Variants in PTK2 observed in about 807,000 individuals in gnomAD.
The protein encoded by PTK2 is protein tyrosine kinase 2, also known as focal adhesion kinase 1.
PTK2 carries 45 observed loss-of-function variants against 150.1 expected under a neutral mutation model. The observed-to-expected ratio is 0.30, with a 90% confidence interval of 0.24 to 0.38. The LOEUF (loss-of-function observed/expected upper bound fraction) is 0.38, where lower values mean the gene tolerates loss of function less well. Ranked by LOEUF, PTK2 falls within the 10% of genes least tolerant of loss-of-function variation. The pLI, the probability that PTK2 is intolerant of heterozygous loss-of-function variation, is 1.00. For synonymous variants in PTK2, 432 were observed against 449.2 expected (o/e 0.96, Z 0.48); for missense variants, 919 against 1,307.3 (o/e 0.70, Z 4.58).
intron 23 of PTK2, among the ~76,000 whole-genome samples, chr8:140,708,153 A>G (rs2100034828): frequency 6.6e-6 from 1 of 152,234 alleles, no homozygotes; most frequent in African/African-American, 2.4e-5. Context: ...TAAGTACAGA[A>G]TAAAAGGAAA....
intron 1 of PTK2, among the ~76,000 whole-genome samples, chr8:140,976,672 C>T (rs1380044877): frequency 2.0e-5 from 3 of 152,208 alleles, no homozygotes; most frequent in African/African-American, 7.2e-5. Flanking sequence ...ACATTAACAC[C>T]TCAACTTCAG....
chr8:140,855,617 C>T (rs1019093020), intron 5 of PTK2, among the ~76,000 whole-genome samples: 3 of 151,732 alleles, frequency 2.0e-5, no homozygotes, highest in Non-Finnish European at 4.4e-5. Flanking sequence ...AAAAGAAAAC[C>T]TAAGATCAGT....
chr8:140,919,572 AGG>A (rs2100166625), intron 2 of PTK2, among the ~76,000 whole-genome samples: 1 of 152,172 alleles, frequency 6.6e-6, no homozygotes, highest in Non-Finnish European at 1.5e-5. Context: ...CATACAATGG[AGG>A]TGGCAATATG....
intron 1 of PTK2, among the ~76,000 whole-genome samples, chr8:140,963,505 T>G (rs998995257): frequency 6.6e-6 from 1 of 152,162 alleles, no homozygotes. Flanking sequence ...ATCCATTTAA[T>G]TCAAGTTACA....
At chr8:140,659,392 TA>T in exon 32 of PTK2, 6 of 1,368,908 alleles carry the variant, frequency 4.4e-6, no homozygotes, top group Non-Finnish European at 6.1e-6. Flanking sequence ...GACACAGGGT[TA>T]ATTCCTCGCT....
rs1324299554 is a variant in PTK2 at position 140,670,491 on chromosome 8, ACACACACACACAC to A, written c.2710-2080_2710-2068del. Reference sequence around the variant, plus strand: ...AAAAAAAAAAAAAAAAAACAACAACACACACACACACACACACACACACACACACACACACACA... The same window carrying A: ...AAAAAAAAAAAAAAAAAACAACAACAACACACACACACACACACACACACA... On this transcript the variant is annotated intron_variant, in intron 29 of 31. Transcript: ENST00000522684. Among the ~76,000 whole-genome samples, 47 of 24,880 alleles carry A rather than the reference ACACACACACACAC, an allele frequency of 1.9e-3. 6 individuals are homozygous for A. The highest frequency in any genetic ancestry group is 4.1e-3 in the African/African-American group (45 of 10,976). 16.3% of individuals were successfully genotyped at this position (24,880 alleles called of 152,430 possible).
intron 26 of PTK2, among the ~76,000 whole-genome samples, chr8:140,699,131 GAAGGA>G (rs1214151506): frequency 1.3e-5 from 2 of 151,876 alleles, no homozygotes; most frequent in Non-Finnish European, 2.9e-5. Context: ...CTTTAATTCA[GAAGGA>G]AAGTTTTATC....
chr8:140,819,109 T>C (rs2100106628), intron 8 of PTK2, 89 bp from the exon 9 acceptor site: 14 of 1,334,728 alleles, frequency 1.0e-5, no homozygotes, highest in Non-Finnish European at 1.4e-5. Context: ...TCCTACCAAC[T>C]ACTTACTAAC....
intron 5 of PTK2, among the ~76,000 whole-genome samples, chr8:140,862,063 A>G (rs1027684636): frequency 1.3e-5 from 2 of 152,244 alleles, no homozygotes; most frequent in East Asian, 3.8e-4. Context: ...ATCATATAGG[A>G]AAGTCTTCCA....
At chr8:140,769,342 A>G (rs925141971) in intron 14 of PTK2, among the ~76,000 whole-genome samples, 3 of 152,176 alleles carry the variant, frequency 2.0e-5, no homozygotes, top group Non-Finnish European at 1.5e-5. Flanking sequence ...AATCTAGGAA[A>G]TTTACTAGGA....
At chr8:141,002,030 G>C (rs1283102153), upstream of PTK2, 2 of 152,220 alleles carry the variant, frequency 1.3e-5, no homozygotes, top group African/African-American at 2.4e-5. Context: ...CGGGCTCCAG[G>C]AAAAGGAGGG....
In PTK2 at chr8:141,000,036, T is replaced by A. The variant is rs376617802; in HGVS notation, c.-122+1089A>T. On this transcript the variant is annotated intron_variant, in intron 1 of 31. Transcript: ENST00000522684. ...CTCGGAAAAAAAAAAAAAAAGAAACTTTACCCTCACTGAATTTAGCTACAA... is the reference window on the plus strand; with the variant it reads ...CTCGGAAAAAAAAAAAAAAAGAAACATTACCCTCACTGAATTTAGCTACAA... Among the ~76,000 whole-genome samples, 465 of 139,898 alleles carry A rather than the reference T, an allele frequency of 3.3e-3. 6 individuals are homozygous for A. Among genetic ancestry groups the A allele is most frequent in the African/African-American group, 0.012 (449 of 36,220 alleles). The allele number at this position is 139,898 out of a possible 152,430, so 91.8% of individuals were successfully genotyped here. A position where few individuals can be genotyped will look rare whatever the true frequency, so the allele number is the denominator to read the frequency against.
chr8:140,789,417 A>C (rs1362244225), intron 14 of PTK2, 57 bp downstream of exon 14: 1 of 1,534,736 alleles, frequency 6.5e-7, no homozygotes, highest in Non-Finnish European at 8.9e-7. Context: ...ATAGACATCT[A>C]TGATCGTCTT....
At chr8:140,949,031 T>TTCC (rs892891667) in intron 1 of PTK2, among the ~76,000 whole-genome samples, 8 of 151,668 alleles carry the variant, frequency 5.3e-5, no homozygotes, top group South Asian at 2.1e-4. Flanking sequence ...ACCCCTCTTC[T>TTCC]TCCTCCTCCT....
intron 23 of PTK2, among the ~76,000 whole-genome samples, chr8:140,711,777 C>T (rs559519193): frequency 4.6e-5 from 7 of 152,278 alleles, no homozygotes; most frequent in Non-Finnish European, 1.0e-4. Context: ...CTCCCAATGT[C>T]ATCAGATCTG....
intron 5 of PTK2, among the ~76,000 whole-genome samples, chr8:140,851,978 T>TACATGTGTGTGCACACAC (rs1328826392): frequency 3.3e-5 from 5 of 152,078 alleles, no homozygotes; most frequent in Non-Finnish European, 7.4e-5. Flanking sequence ...CATGCACACA[T>TACATGTGTGTGCACACAC]ACATGTGTGT....
upstream of PTK2, chr8:141,001,337 CT>C (rs2100200198): frequency 6.7e-6 from 1 of 149,282 alleles, no homozygotes. Context: ...GGCGCGCGTC[CT>C]CTCTCGGCAG....
intron 10 of PTK2, among the ~76,000 whole-genome samples, chr8:140,806,279 A>G (rs1339567016): frequency 6.6e-6 from 1 of 152,224 alleles, no homozygotes; most frequent in Non-Finnish European, 1.5e-5. Context: ...AGTTTTATTA[A>G]GAGTTCCTCA....
At chr8:140,712,768 A>G (rs1027977430) in intron 23 of PTK2, among the ~76,000 whole-genome samples, 2 of 152,220 alleles carry the variant, frequency 1.3e-5, no homozygotes, top group Non-Finnish European at 2.9e-5. Flanking sequence ...ATAACAGTCT[A>G]AGAATTTAGA....
Sources: allele counts gnomAD v4.1 joint callset (sites outside exome capture counted in the v4.1 genomes callset), GRCh38; gene constraint gnomAD v4.1.1; transcripts MANE v1.5; gene names NCBI Gene and HGNC (gene_info 2026-07-23, HGNC 2026-07-21).